Variants in RABGAP1L observed in about 807,000 individuals in gnomAD.
RABGAP1L encodes the protein RAB GTPase activating protein 1 like.
In RABGAP1L, 63 loss-of-function variants were observed where a neutral mutation model predicts 137.7. The ratio of observed to expected loss-of-function variants is 0.46; its 90% CI spans 0.37 to 0.56. The LOEUF is 0.56. Ranked by LOEUF, RABGAP1L falls within the 20% of genes least tolerant of loss-of-function variation. RABGAP1L has a pLI of 0.00. For missense variants in RABGAP1L, 1,095 were observed against 1,244.0 expected (o/e 0.88, Z 1.80); for synonymous variants, 431 against 433.7 (o/e 0.99, Z 0.08).
In RABGAP1L at chr1:174,440,646, G is replaced by T. The variant is rs1558236516; in HGVS notation, c.1710+46501G>T. Among the ~76,000 whole-genome samples the T allele has an allele frequency of 2.0e-5, 3 of 152,120 alleles. No individual in the cohort carries two copies. In the South Asian group the frequency reaches 6.2e-4, roughly 32 times the overall value. The stretch of plus-strand genomic sequence containing the variant: ...TGGAGTGCACGGTGGCGTGATCTCT[G>T]CTCACTGTAAGCAATTCTCATGCCT... On this transcript the variant is annotated intron_variant, in intron 13 of 25. Transcript: ENST00000681986.
In RABGAP1L at chr1:174,386,512, C is replaced by CT. The variant is rs562687774; in HGVS notation, c.1560-7471dup. Among the ~76,000 whole-genome samples, 369 of 142,708 alleles carry CT rather than the reference C, an allele frequency of 2.6e-3. 1 individual carries two copies. The highest frequency in any genetic ancestry group is 0.012 in the South Asian group (53 of 4,454). 93.6% of individuals were successfully genotyped at this position (142,708 alleles called of 152,430 possible). ...GTGTGTTTGTGTGTGTTTGTGTTTT[C>CT]TTTTTTTTTTTTGAGATGGAGTTTC... On this transcript the variant is annotated intron_variant, in intron 12 of 25. Transcript: ENST00000681986.
At chr1:174,609,410 G>A (rs778603669) in intron 13 of RABGAP1L, among the ~76,000 whole-genome samples, 1 of 152,088 alleles carries the variant, frequency 6.6e-6, no homozygotes, top group Non-Finnish European at 1.5e-5. Flanking sequence ...TTAGGAAAAA[G>A]TTACATAAAA....
chr1:174,873,260 G>A (rs1286230758), intron 19 of RABGAP1L, among the ~76,000 whole-genome samples: 10 of 151,798 alleles, frequency 6.6e-5, no homozygotes, highest in Non-Finnish European at 8.8e-5. Flanking sequence ...TATTAGAGAC[G>A]GGGTTTCACC....
At chr1:174,259,475 T>A (rs1456392455) in intron 7 of RABGAP1L, among the ~76,000 whole-genome samples, 2 of 152,230 alleles carry the variant, frequency 1.3e-5, no homozygotes, top group Non-Finnish European at 2.9e-5. Flanking sequence ...CTAGAACACA[T>A]ATTCTTACTC....
intron 1 of RABGAP1L, among the ~76,000 whole-genome samples, chr1:174,184,574 G>A (rs931889127): frequency 6.6e-6 from 1 of 151,722 alleles, no homozygotes; most frequent in African/African-American, 2.4e-5. Context: ...AAATCTGTCA[G>A]CATTTTTAAA....
Position 174,629,107 on chromosome 1 carries a change from G to A in RABGAP1L, c.1711-8268G>A, listed in dbSNP as rs1456543566. The stretch of plus-strand genomic sequence containing the variant: ...AGAAAAATTGTTTTGTTTTCCTTTT[G>A]CAGAATGTTAGGTTTTGTAACTTTC... On this transcript the variant is annotated intron_variant, in intron 13 of 25. Transcript: ENST00000681986. Among the ~76,000 whole-genome samples the A allele has an allele frequency of 2.0e-5, 3 of 152,052 alleles. No individual in the cohort carries two copies. In the East Asian group the frequency reaches 5.8e-4, roughly 29 times the overall value.
chr1:174,506,168 A>G (rs1661796823), intron 13 of RABGAP1L, among the ~76,000 whole-genome samples: 1 of 152,204 alleles, frequency 6.6e-6, no homozygotes, highest in Non-Finnish European at 1.5e-5. Context: ...GTCAAGGGAC[A>G]CAAAAATTTC....
chr1:174,843,759 G>T (rs1693734572), intron 19 of RABGAP1L, among the ~76,000 whole-genome samples: 1 of 97,726 alleles, frequency 1.0e-5, no homozygotes, highest in African/African-American at 4.0e-5. Context: ...GGGATGGCTG[G>T]GTCAAATGGT....
In RABGAP1L at chr1:174,520,643, G is replaced by T. The variant is rs188999719; in HGVS notation, c.1711-116732G>T. ...ATTAGTATGTTGAGATAAACATTGT[G>T]TTCAAAATTAAAATGGCGTGTGAAT... On this transcript the variant is annotated intron_variant, in intron 13 of 25. Transcript: ENST00000681986. 2.0e-3 allele frequency among the ~76,000 whole-genome samples: 299 copies of T among 152,196 alleles called. 1 individual carries two copies. The highest frequency in any genetic ancestry group is 6.8e-3 in the African/African-American group (283 of 41,532).
chr1:174,235,039 G>C (rs1381293234), intron 4 of RABGAP1L, among the ~76,000 whole-genome samples: 2 of 134,284 alleles, frequency 1.5e-5, no homozygotes, highest in Non-Finnish European at 3.1e-5. Flanking sequence ...ATTGTGAATG[G>C]GAGTTCACTC....
chr1:174,827,275 G>T (rs1322172060), intron 19 of RABGAP1L, among the ~76,000 whole-genome samples: 1 of 152,110 alleles, frequency 6.6e-6, no homozygotes, highest in East Asian at 1.9e-4. Flanking sequence ...CTCCTACTGA[G>T]TAGCAAGGAC....
chr1:174,530,794 CAT>C (rs1664323987), intron 13 of RABGAP1L, among the ~76,000 whole-genome samples: 1 of 97,798 alleles, frequency 1.0e-5, no homozygotes, highest in Non-Finnish European at 2.3e-5. Context: ...GATTTTTATA[CAT>C]ACATACATAC....
intron 10 of RABGAP1L, among the ~76,000 whole-genome samples, chr1:174,289,371 T>C (rs1010009285): frequency 6.6e-6 from 1 of 152,238 alleles, no homozygotes. Context: ...TATTACTTTG[T>C]TGAACTTATT....
intron 19 of RABGAP1L, among the ~76,000 whole-genome samples, chr1:174,872,101 A>C (rs905112082): frequency 6.6e-6 from 1 of 152,100 alleles, no homozygotes; most frequent in African/African-American, 2.4e-5. Context: ...CTGTTAAGCA[A>C]GTATTTATGT....
intron 19 of RABGAP1L, among the ~76,000 whole-genome samples, chr1:174,887,678 T>A (rs1340887424): frequency 6.6e-6 from 1 of 151,860 alleles, no homozygotes; most frequent in East Asian, 1.9e-4. Context: ...CAGAAAAAAA[T>A]GTTTTTAAAT....
chr1:174,786,250 A>AT (rs1007661585), intron 18 of RABGAP1L, among the ~76,000 whole-genome samples: 15 of 152,172 alleles, frequency 9.9e-5, no homozygotes, highest in Non-Finnish European at 4.4e-5. Context: ...TAAAGGGGAT[A>AT]TTTTTTGTTA....
chr1:174,683,087 G>A (rs114160297), intron 14 of RABGAP1L, among the ~76,000 whole-genome samples: 3,141 of 142,476 alleles, frequency 0.022, 49 homozygotes, highest in Middle Eastern at 0.093. Flanking sequence ...TTGGCATGGG[G>A]TTGTCAGAAT....
At chr1:174,449,834 TG>T (rs1293978881) in intron 13 of RABGAP1L, among the ~76,000 whole-genome samples, 1 of 152,194 alleles carries the variant, frequency 6.6e-6, no homozygotes, top group African/African-American at 2.4e-5. Context: ...ACAGTATTTT[TG>T]TTTCTTCTGG....
chr1:174,555,093 C>T (rs904537689), intron 13 of RABGAP1L, among the ~76,000 whole-genome samples: 1 of 152,098 alleles, frequency 6.6e-6, no homozygotes, highest in Admixed American at 6.5e-5. Flanking sequence ...AGCAAGCATA[C>T]TTTCACAATT....
Sources: gnomAD v4.1 joint callset for allele counts (sites outside exome capture counted in the v4.1 genomes callset) on GRCh38, gnomAD v4.1.1 for gene constraint, MANE v1.5 for transcripts, NCBI Gene and HGNC (gene_info 2026-07-23, HGNC 2026-07-21) for gene names.